Variants in MAX observed in about 807,000 individuals in gnomAD.
MAX encodes protein max.
Under a neutral mutation model 22.3 loss-of-function variants are expected in MAX, and 3 were observed. The observed-to-expected ratio is 0.13, with a 90% confidence interval of 0.06 to 0.35. MAX has a LOEUF of 0.35. Among genes scored for constraint, MAX ranks in the 10% least tolerant of loss-of-function variants. The pLI, the probability that MAX is intolerant of heterozygous loss-of-function variation, is 1.00. For missense variants in MAX, 119 were observed against 209.4 expected (o/e 0.57, Z 2.66); for synonymous variants, 72 against 77.7 (o/e 0.93, Z 0.39).
At chr14:65,008,680 G>A (rs1485375550) in intron 3 of MAX, among the ~76,000 whole-genome samples, 1 of 152,238 alleles carries the variant, frequency 6.6e-6, no homozygotes, top group Admixed American at 6.5e-5. Flanking sequence ...ATGTGCTAAA[G>A]CCAGGAGACT....
intron 3 of MAX, chr14:65,015,838 G>C: frequency 4.3e-6 from 5 of 1,161,302 alleles, no homozygotes; most frequent in Non-Finnish European, 6.2e-6. Context: ...AGAAATCTTT[G>C]CTCTTCTCAT....
At chr14:65,010,101 T>C (rs1177049424) in intron 3 of MAX, among the ~76,000 whole-genome samples, 3 of 152,220 alleles carry the variant, frequency 2.0e-5, no homozygotes, top group African/African-American at 7.2e-5. Flanking sequence ...TGTGGTTTGT[T>C]GTCTTTTCCC....
rs2062049660 is a variant in MAX at position 65,030,044 on chromosome 14, A to G, written c.172-23760T>C. Among the ~76,000 whole-genome samples, 1 of 152,070 alleles carries G rather than the reference A, an allele frequency of 6.6e-6. No homozygotes were observed. On this transcript the variant is annotated intron_variant, in intron 3 of 3. Coordinates refer to the MAX transcript ENST00000341653. This position sits in a 1 kb window ranked among gnomAD's most constrained non-coding sequence, Gnocchi z 4.5. ...GGGGAGAAATACATGAAAAGGTTGTATTACGTTTCCTCCCCATCTCAGCGT... is the reference window on the plus strand; with the variant it reads ...GGGGAGAAATACATGAAAAGGTTGTGTTACGTTTCCTCCCCATCTCAGCGT...
In MAX at chr14:65,027,379, G is replaced by A. The variant is rs2062002569; in HGVS notation, c.172-21095C>T. 1 of 1,584,244 alleles carries A rather than the reference G, an allele frequency of 6.3e-7. No individual in the cohort carries two copies. The highest frequency in any genetic ancestry group is 1.7e-5 in the Admixed American group (1 of 57,806). ...AGTGGGGGATCATTGGAAAGGCCTG[G>A]AATCTAGTGGGAATTTGGTGTTTTG... On this transcript the variant is annotated intron_variant, in intron 3 of 3. Coordinates refer to the MAX transcript ENST00000341653. The surrounding 1 kb of genome is among the most constrained non-coding windows in gnomAD (Gnocchi z 5.7).
chr14:65,071,347 T>C (rs1378227444), downstream of MAX, among the ~76,000 whole-genome samples: 1 of 152,180 alleles, frequency 6.6e-6, no homozygotes, highest in Non-Finnish European at 1.5e-5. This position sits in a 1 kb window ranked among gnomAD's most constrained non-coding sequence, Gnocchi z 4.2. Context: ...TTTCACCACA[T>C]TGACCAGGCT....
At chr14:65,099,914 C>T (rs2139946232) in intron 2 of MAX, among the ~76,000 whole-genome samples, 1 of 152,254 alleles carries the variant, frequency 6.6e-6, no homozygotes, top group South Asian at 2.1e-4. Flanking sequence ...AATATCAGCT[C>T]TCAATAAATA....
At chr14:65,058,385 A>T (rs1355127857) in intron 3 of MAX, among the ~76,000 whole-genome samples, 1 of 152,074 alleles carries the variant, frequency 6.6e-6, no homozygotes, top group Non-Finnish European at 1.5e-5. Context: ...AATATTTATA[A>T]ATCTTGTGTC....
At position 65,076,583 on chromosome 14, in the gene MAX, C is replaced by T. The variant is rs779789251; in HGVS notation, c.376G>A (p.Ala126Thr). 22 of 1,613,978 alleles carry T rather than the reference C, an allele frequency of 1.4e-5. No individual in the cohort carries two copies. The highest frequency in any genetic ancestry group is 5.5e-5 in the South Asian group (5 of 91,080). ...AAGGCAGAGATGGTGCTGCCCTTGG[C>T]GTTGGTGTAGAGGCTGTTGTCTGAG... ...PSSDNSLYTN[A>T]KGSTISAFDG... Residue 126 changes from alanine (A) to threonine (T), a missense_variant, in exon 5 of 5, where the codon GCC becomes ACC. By Grantham distance (58) the Ala-to-Thr change is moderately conservative (BLOSUM62 0). This residue lies in a region of MAX where 95 missense variants were observed against 148.1 expected (regional missense o/e 0.64). Transcript: ENST00000358664. This position sits in a 1 kb window ranked among gnomAD's most constrained non-coding sequence, Gnocchi z 6.6.
chr14:65,092,438 T>G (rs1292029181), intron 3 of MAX, among the ~76,000 whole-genome samples: 2 of 152,228 alleles, frequency 1.3e-5, no homozygotes, highest in Non-Finnish European at 2.9e-5. Context: ...GCCTAAGAGA[T>G]AATCTTTGGC....
chr14:65,057,734 A>G (rs954943097), intron 3 of MAX, among the ~76,000 whole-genome samples: 1 of 152,232 alleles, frequency 6.6e-6, no homozygotes, highest in Non-Finnish European at 1.5e-5. Flanking sequence ...GTTTCTGTGT[A>G]TGGTGAGGCT....
intron 3 of MAX, among the ~76,000 whole-genome samples, chr14:65,066,813 G>T (rs1228810054): frequency 7.1e-6 from 1 of 139,872 alleles, no homozygotes; most frequent in Admixed American, 7.5e-5. Flanking sequence ...GGTGAGCTGA[G>T]ATTGCACCCT....
At chr14:65,092,081 C>T (rs2063524686) in intron 3 of MAX, among the ~76,000 whole-genome samples, 1 of 152,154 alleles carries the variant, frequency 6.6e-6, no homozygotes, top group African/African-American at 2.4e-5. Context: ...ATTATAAGGA[C>T]TTAAGGAAGA....
chr14:65,054,411 G>C lies in MAX; in HGVS notation c.171+39297C>G, dbSNP rs1029612483. Among the ~76,000 whole-genome samples, 3 of 151,714 alleles carry C rather than the reference G, an allele frequency of 2.0e-5. No individual in the cohort carries two copies. Among genetic ancestry groups the C allele is most frequent in the African/African-American group, 7.3e-5 (3 of 41,268 alleles). ...GGGTGTGAGCCACTGTGCTCAGCCA[G>C]TGGGGCTTTAAATAACACTGCTGGG... On this transcript the variant is annotated intron_variant, in intron 3 of 3. Transcript: ENST00000341653. This position sits in a 1 kb window ranked among gnomAD's most constrained non-coding sequence, Gnocchi z 4.4.
intron 3 of MAX, among the ~76,000 whole-genome samples, chr14:65,090,874 C>T (rs936905116): frequency 5.3e-5 from 8 of 152,294 alleles, no homozygotes; most frequent in Admixed American, 3.3e-4. Context: ...TTGGGTCCCA[C>T]ATTTAAAGCT....
chr14:65,020,850 G>A (rs2061873586), intron 3 of MAX, among the ~76,000 whole-genome samples: 2 of 150,634 alleles, frequency 1.3e-5, no homozygotes, highest in Admixed American at 1.3e-4. Flanking sequence ...TCCTGCCTCA[G>A]CTTCCCAAGT....
At chr14:65,072,018 T>C (rs754590103), downstream of MAX, among the ~76,000 whole-genome samples, 2 of 152,138 alleles carry the variant, frequency 1.3e-5, no homozygotes, top group Non-Finnish European at 2.9e-5. Context: ...TGAAGGAAAT[T>C]CTCTATTCGC....
In MAX at chr14:65,088,679, T is replaced by A. The variant is rs2063411929; in HGVS notation, c.171+5029A>T. Among the ~76,000 whole-genome samples, 1 of 152,216 alleles carries A rather than the reference T, an allele frequency of 6.6e-6. No individual in the cohort carries two copies. The highest frequency in any genetic ancestry group is 1.5e-5 in the Non-Finnish European group (1 of 68,028). On this transcript the variant is annotated intron_variant, in intron 3 of 4. Coordinates refer to ENST00000358664, the MANE Select transcript of MAX (RefSeq NM_002382.5). The surrounding 1 kb of genome is among the most constrained non-coding windows in gnomAD (Gnocchi z 5.2). ...ATTCCTCCCCTCAGTTAATAAATAT[T>A]CACTATGCTCCCTACTATGTGCAGG... is the stretch of plus-strand genomic sequence containing the variant.
intron 3 of MAX, among the ~76,000 whole-genome samples, chr14:65,020,459 T>C (rs1454311497): frequency 1.3e-5 from 2 of 151,982 alleles, no homozygotes; most frequent in African/African-American, 4.8e-5. Flanking sequence ...AGAGTCTCGC[T>C]CTGTTGCCCA....
intron 3 of MAX, among the ~76,000 whole-genome samples, chr14:65,046,112 G>C (rs567439529): frequency 1.5e-4 from 23 of 152,218 alleles, no homozygotes; most frequent in Admixed American, 1.3e-3. Context: ...AAATAGCTGG[G>C]ATTATAGGCA....
Sources: allele counts gnomAD v4.1 joint callset (sites outside exome capture counted in the v4.1 genomes callset), GRCh38; gene constraint gnomAD v4.1.1; regional missense constraint gnomAD v4.1.1; non-coding constraint Gnocchi (gnomAD v3.1); transcripts MANE v1.5; gene names NCBI Gene and HGNC (gene_info 2026-07-23, HGNC 2026-07-21).